The following SYNDIG1 variants were observed in gnomAD, a reference collection of about 807,000 sequenced individuals.
SYNDIG1 encodes synapse differentiation-inducing gene protein 1.
A neutral mutation model predicts 19.4 loss-of-function variants in SYNDIG1; 9 were observed. The observed-to-expected ratio is 0.46, with a 90% CI of 0.28 to 0.81. The LOEUF is 0.81. Ranked by LOEUF, SYNDIG1 falls within the 30% of genes least tolerant of loss-of-function variation. The pLI is 0.12. For synonymous variants in SYNDIG1, 141 were observed against 145.9 expected, an observed-to-expected ratio of 0.97 and a Z score of 0.24; for missense variants, 311 against 343.3, an observed-to-expected ratio of 0.91 and a Z score of 0.74.
chr20:24,545,327 C>G (rs1451663849), intron 2 of SYNDIG1, among the ~76,000 whole-genome samples: 1 of 152,168 alleles, frequency 6.6e-6, no homozygotes, highest in Non-Finnish European at 1.5e-5. Context: ...AGGGCACTCA[C>G]GCTGCAGCTG....
chr20:24,560,091 T>G (rs866875843), intron 2 of SYNDIG1, among the ~76,000 whole-genome samples: 10 of 120,618 alleles, frequency 8.3e-5, no homozygotes, highest in African/African-American at 3.0e-4. Context: ...TTTTTTTTTT[T>G]GCAGTCTCAC....
At chr20:24,638,449 A>T (rs2059337539) in intron 3 of SYNDIG1, among the ~76,000 whole-genome samples, 1 of 152,074 alleles carries the variant, frequency 6.6e-6, no homozygotes, top group Non-Finnish European at 1.5e-5. Flanking sequence ...CCACCTCCTG[A>T]GCTCAAGCGA....
At chr20:24,601,987 GTT>G (rs11333825) in intron 3 of SYNDIG1, among the ~76,000 whole-genome samples, 2 of 145,964 alleles carry the variant, frequency 1.4e-5, no homozygotes, top group African/African-American at 2.5e-5. Context: ...TTATAATATT[GTT>G]TTTTTTTTTT....
chr20:24,563,780 GT>G (rs975266189), intron 2 of SYNDIG1, among the ~76,000 whole-genome samples: 2 of 151,994 alleles, frequency 1.3e-5, no homozygotes, highest in Non-Finnish European at 2.9e-5. Flanking sequence ...TTTTGTATTT[GT>G]TTTTTTGTAG....
At chr20:24,572,490 T>G (rs1441104896) in intron 2 of SYNDIG1, among the ~76,000 whole-genome samples, 1 of 152,218 alleles carries the variant, frequency 6.6e-6, no homozygotes, top group Non-Finnish European at 1.5e-5. Context: ...CTGGTGACTT[T>G]GGCCACTGCC....
chr20:24,602,456 C>T (rs1334341680), intron 3 of SYNDIG1, among the ~76,000 whole-genome samples: 2 of 152,224 alleles, frequency 1.3e-5, no homozygotes, highest in African/African-American at 4.8e-5. Flanking sequence ...CCTTTTCTCT[C>T]ATGGCTTAGC....
At chr20:24,660,420 C>T (rs1005046155) in intron 3 of SYNDIG1, among the ~76,000 whole-genome samples, 5 of 152,196 alleles carry the variant, frequency 3.3e-5, no homozygotes, top group African/African-American at 9.7e-5. Context: ...TGCCTCTTGG[C>T]CTTGCTGGAG....
intron 1 of SYNDIG1, among the ~76,000 whole-genome samples, chr20:24,483,545 C>T (rs1198248576): frequency 6.6e-6 from 1 of 152,226 alleles, no homozygotes; most frequent in East Asian, 1.9e-4. Flanking sequence ...TGTACTTCCC[C>T]TGGGCACCTC....
At chr20:24,569,304 G>C (rs997882262) in intron 2 of SYNDIG1, among the ~76,000 whole-genome samples, 1 of 152,144 alleles carries the variant, frequency 6.6e-6, no homozygotes, top group Non-Finnish European at 1.5e-5. Context: ...GCTTTTCCTC[G>C]CTCAAAGGGG....
At chr20:24,528,893 G>C (rs992897849) in intron 1 of SYNDIG1, among the ~76,000 whole-genome samples, 3 of 152,186 alleles carry the variant, frequency 2.0e-5, no homozygotes, top group African/African-American at 7.2e-5. Flanking sequence ...CACAGTGGTG[G>C]ATTCCCAGCC....
chr20:24,542,751 T>C (rs952058134), intron 1 of SYNDIG1, among the ~76,000 whole-genome samples: 6 of 152,240 alleles, frequency 3.9e-5, no homozygotes, highest in African/African-American at 1.4e-4. Context: ...TCCTCTAGGC[T>C]GCAAGGGAGC....
intron 2 of SYNDIG1, among the ~76,000 whole-genome samples, chr20:24,582,665 T>C (rs1568660502): frequency 6.6e-6 from 1 of 152,264 alleles, no homozygotes; most frequent in East Asian, 1.9e-4. Context: ...TATGCATCCC[T>C]GTGGGCTGTT....
intron 2 of SYNDIG1, among the ~76,000 whole-genome samples, chr20:24,579,082 T>C (rs2058280143): frequency 6.6e-6 from 1 of 151,186 alleles, no homozygotes; most frequent in South Asian, 2.1e-4. Context: ...ACAAACTAAG[T>C]AACATTTAAC....
At chr20:24,617,384 T>C (rs1287226285) in intron 3 of SYNDIG1, among the ~76,000 whole-genome samples, 2 of 152,212 alleles carry the variant, frequency 1.3e-5, no homozygotes, top group Admixed American at 6.5e-5. Context: ...AAAGGGGACA[T>C]GGCACTGCTC....
intron 1 of SYNDIG1, among the ~76,000 whole-genome samples, chr20:24,521,822 C>T (rs1430270477): frequency 6.6e-6 from 1 of 151,540 alleles, no homozygotes; most frequent in African/African-American, 2.4e-5. Flanking sequence ...ATCGCTTGAA[C>T]CCAGGAGGCA....
At chr20:24,640,819 G>T (rs567102621) in intron 3 of SYNDIG1, among the ~76,000 whole-genome samples, 1 of 152,160 alleles carries the variant, frequency 6.6e-6, no homozygotes, top group South Asian at 2.1e-4. Context: ...CTAGCAACCC[G>T]ATAGCATTTC....
intron 1 of SYNDIG1, among the ~76,000 whole-genome samples, chr20:24,501,356 GA>G (rs2056450213): frequency 6.6e-6 from 1 of 152,230 alleles, no homozygotes; most frequent in Admixed American, 6.5e-5. Flanking sequence ...GGATGACAGC[GA>G]AGATAGCACG....
At chr20:24,568,356 G>C (rs546836178) in intron 2 of SYNDIG1, among the ~76,000 whole-genome samples, 77 of 152,244 alleles carry the variant, frequency 5.1e-4, no homozygotes, top group Non-Finnish European at 9.4e-4. Flanking sequence ...TTTTGTTTCA[G>C]CTGGAGTTGT....
intron 2 of SYNDIG1, among the ~76,000 whole-genome samples, chr20:24,573,156 T>C (rs144201842): frequency 1.2e-3 from 182 of 152,346 alleles, no homozygotes; most frequent in African/African-American, 4.2e-3. Flanking sequence ...AGAATTACCA[T>C]GCAAGCAACG....
Sources: gnomAD v4.1 joint callset for allele counts (sites outside exome capture counted in the v4.1 genomes callset) on GRCh38, gnomAD v4.1.1 for gene constraint, MANE v1.5 for transcripts, NCBI Gene and HGNC (gene_info 2026-07-23, HGNC 2026-07-21) for gene names.